The following TMEM132D variants were observed in gnomAD, a reference collection of about 807,000 sequenced individuals.
The protein encoded by TMEM132D is transmembrane protein 132D, also known as mature OL transmembrane protein.
In TMEM132D, 21 loss-of-function variants were observed where a neutral mutation model predicts 62.3. The observed-to-expected ratio is 0.34, with a 90% CI of 0.24 to 0.49. The LOEUF (loss-of-function observed/expected upper bound fraction) is 0.49. Among genes scored for constraint, TMEM132D ranks in the 20% least tolerant of loss-of-function variants. The pLI is 0.99. For synonymous variants in TMEM132D, 621 were observed against 575.6 expected (o/e 1.08, Z -1.13); for missense variants, 1,346 against 1,402.8 (o/e 0.96, Z 0.65).
intron 1 of TMEM132D, among the ~76,000 whole-genome samples, chr12:129,735,904 G>A (rs539462913): frequency 7.2e-5 from 11 of 152,272 alleles, no homozygotes; most frequent in African/African-American, 2.6e-4. Flanking sequence ...AAAGCAAGGT[G>A]GAGATGGCTG....
intron 3 of TMEM132D, among the ~76,000 whole-genome samples, chr12:129,364,901 A>C (rs994322935): frequency 6.6e-6 from 1 of 152,152 alleles, no homozygotes. Flanking sequence ...AAACACTTTC[A>C]CTTTCATTTG....
At chr12:129,111,214 CAG>C (rs1279682201) in intron 5 of TMEM132D, 2 of 152,318 alleles carry the variant, frequency 1.3e-5, no homozygotes, top group Non-Finnish European at 2.9e-5. Context: ...CTACAGGGAA[CAG>C]GGGAGGAAGA....
Position 129,823,327 on chromosome 12 carries a change from C to T in TMEM132D, c.79+79934G>A, listed in dbSNP as rs113134349. On this transcript the variant is annotated intron_variant, in intron 1 of 8. Transcript: ENST00000422113. ...AACACAGTTGTTTTTGGGGGCTGGT[C>T]ATGTGGACATTTCTCCCCAGCATAT... Among the ~76,000 whole-genome samples the T allele has an allele frequency of 6.5e-3, 994 of 152,326 alleles. 6 individuals carry two copies. Among genetic ancestry groups the T allele is most frequent in the Admixed American group, 9.3e-3 (142 of 15,296 alleles).
chr12:129,646,231 C>T (rs575836859), intron 2 of TMEM132D, among the ~76,000 whole-genome samples: 1 of 152,324 alleles, frequency 6.6e-6, no homozygotes, highest in South Asian at 2.1e-4. Context: ...CCAGAGTTCA[C>T]AAAAGTACAT....
chr12:129,105,542 A>G (rs965933154), intron 5 of TMEM132D, among the ~76,000 whole-genome samples: 2 of 134,026 alleles, frequency 1.5e-5, no homozygotes, highest in African/African-American at 5.4e-5. Flanking sequence ...TTAAAGTATA[A>G]TAATAATAAA....
intron 4 of TMEM132D, among the ~76,000 whole-genome samples, chr12:129,255,370 T>C (rs1010056703): frequency 2.6e-5 from 4 of 152,186 alleles, no homozygotes; most frequent in African/African-American, 9.6e-5. Context: ...GTTGATTATT[T>C]CCTTTTACTG....
At chr12:129,249,117 G>T (rs535165619) in intron 4 of TMEM132D, among the ~76,000 whole-genome samples, 1 of 152,250 alleles carries the variant, frequency 6.6e-6, no homozygotes, top group Non-Finnish European at 1.5e-5. Flanking sequence ...AAGATCCCGG[G>T]ATATTGTATA....
At chr12:129,098,789 G>A (rs1473160294) in intron 5 of TMEM132D, among the ~76,000 whole-genome samples, 1 of 152,192 alleles carries the variant, frequency 6.6e-6, no homozygotes, top group East Asian at 1.9e-4. Context: ...AGTTGCTTGT[G>A]TTGAGGTTCA....
chr12:129,700,153 C>A lies in TMEM132D; in HGVS notation c.625G>T (p.Val209Phe), dbSNP rs1366703999. 6.2e-7 allele frequency: 1 copy of A among 1,613,058 alleles called. No individual in the cohort carries two copies. The highest frequency in any genetic ancestry group is 1.3e-5 in the African/African-American group (1 of 74,934). Reference sequence around the variant, plus strand: ...TCCACGGACTTCCTCCTCCCGGCAACCACCGTGGGGGGGCTGAACCAGCTG... The same window carrying A: ...TCCACGGACTTCCTCCTCCCGGCAAACACCGTGGGGGGGCTGAACCAGCTG... ...LSSWFSPPTV[V>F]AGRRKSVDQP... Residue 209 changes from valine to phenylalanine, a missense_variant, in exon 2 of 9, where the codon GTT becomes TTT. Val to Phe is a conservative substitution (Grantham distance 50). Coordinates refer to ENST00000422113, the MANE Select transcript of TMEM132D (RefSeq NM_133448.3).
chr12:129,274,995 A>C (rs1880965772), intron 4 of TMEM132D, among the ~76,000 whole-genome samples: 1 of 152,076 alleles, frequency 6.6e-6, no homozygotes, highest in African/African-American at 2.4e-5. Flanking sequence ...AGTTGAGTCC[A>C]TTGGCCAGAT....
intron 4 of TMEM132D, among the ~76,000 whole-genome samples, chr12:129,281,577 A>C (rs1432560698): frequency 1.3e-5 from 2 of 152,076 alleles, no homozygotes; most frequent in African/African-American, 4.8e-5. Flanking sequence ...AATATGGTTA[A>C]TCTACATCAT....
chr12:129,462,061 G>A (rs1173778999), intron 3 of TMEM132D, among the ~76,000 whole-genome samples: 1 of 152,316 alleles, frequency 6.6e-6, no homozygotes, highest in East Asian at 1.9e-4. Context: ...GCTGTGAGCT[G>A]TGATTTGAGT....
At chr12:129,726,326 A>G (rs1200913634) in intron 1 of TMEM132D, among the ~76,000 whole-genome samples, 1 of 152,160 alleles carries the variant, frequency 6.6e-6, no homozygotes, top group East Asian at 1.9e-4. Flanking sequence ...AGTGTCCCTG[A>G]GGAGGTAACA....
At chr12:129,677,755 C>T (rs932944664) in intron 2 of TMEM132D, among the ~76,000 whole-genome samples, 6 of 152,136 alleles carry the variant, frequency 3.9e-5, no homozygotes, top group Admixed American at 3.9e-4. Context: ...ATTCTGATGT[C>T]CCTGCGTGAC....
chr12:129,626,073 A>C (rs995396519), intron 2 of TMEM132D, among the ~76,000 whole-genome samples: 1 of 151,728 alleles, frequency 6.6e-6, no homozygotes, highest in Non-Finnish European at 1.5e-5. Context: ...ATAGAATTTT[A>C]ATTGGTGTTG....
At chr12:129,114,496 G>C (rs1453871820) in intron 5 of TMEM132D, among the ~76,000 whole-genome samples, 2 of 145,112 alleles carry the variant, frequency 1.4e-5, no homozygotes. Flanking sequence ...TTTTATTACT[G>C]TAAAAAAACT....
chr12:129,840,905 G>T (rs546806100), intron 1 of TMEM132D, among the ~76,000 whole-genome samples: 14 of 152,240 alleles, frequency 9.2e-5, no homozygotes, highest in Non-Finnish European at 1.9e-4. Flanking sequence ...AGGAAAGCAT[G>T]AAATGCTTAA....
chr12:129,592,804 G>A (rs1878230405), intron 2 of TMEM132D, among the ~76,000 whole-genome samples: 2 of 152,144 alleles, frequency 1.3e-5, no homozygotes, highest in African/African-American at 4.8e-5. Context: ...TGCAAAAGTG[G>A]GTCTCAGAAA....
chr12:129,321,952 T>C (rs774879363), intron 4 of TMEM132D, among the ~76,000 whole-genome samples: 1 of 152,192 alleles, frequency 6.6e-6, no homozygotes, highest in Non-Finnish European at 1.5e-5. Flanking sequence ...TTTTGCTGCA[T>C]TGGCACTGTA....
Sources: allele counts gnomAD v4.1 joint callset (sites outside exome capture counted in the v4.1 genomes callset), GRCh38; gene constraint gnomAD v4.1.1; transcripts MANE v1.5; gene names NCBI Gene and HGNC (gene_info 2026-07-23, HGNC 2026-07-21).